Variants in EPB41L1 observed in about 807,000 individuals in gnomAD.
EPB41L1 encodes band 4.1-like protein 1.
EPB41L1 carries 29 observed loss-of-function variants against 97.8 expected under a neutral mutation model. The ratio of observed to expected loss-of-function variants is 0.30; its 90% CI spans 0.22 to 0.40. The LOEUF (loss-of-function observed/expected upper bound fraction) is 0.40. Ranked by LOEUF, EPB41L1 falls within the 10% of genes least tolerant of loss-of-function variation. The pLI, the probability that EPB41L1 is intolerant of heterozygous loss-of-function variation, is 1.00. For missense variants in EPB41L1, 812 were observed against 1,162.3 expected (o/e 0.70, Z 4.38); for synonymous variants, 383 against 459.2 (o/e 0.83, Z 2.12).
Position 36,195,355 on chromosome 20 carries a change from C to T in EPB41L1, c.1476C>T (p.His492=), listed in dbSNP as rs748523121. Residue 492 remains histidine (H), a synonymous_variant, in exon 13 of 22, where the codon CAC becomes CAT. Transcript: ENST00000338074. The surrounding 1 kb of genome is among the most constrained non-coding windows in gnomAD (Gnocchi z 4.6). Reference sequence around the variant, plus strand: ...CGGAGCAGGAAACCACGCCGAGACACAAGCAGGAGGTACTGCATGGGACCT... The same window carrying T: ...CGGAGCAGGAAACCACGCCGAGACATAAGCAGGAGGTACTGCATGGGACCT... The part of the protein sequence containing the change: ...LKPEQETTPR[H]KQEFLDKPED... 1.2e-6 allele frequency: 2 copies of T among 1,614,070 alleles called. No homozygotes were observed. The highest frequency in any genetic ancestry group is 2.2e-5 in the East Asian group (1 of 44,874).
In EPB41L1 at chr20:36,173,750, T is replaced by G; in HGVS notation, c.-14-14T>G. ...GTCCCTCCCTGTCACATGATCTCCT[T>G]CATGCCAATGCAGGCGTGCTGGTCA... On this transcript the variant is annotated splice_polypyrimidine_tract_variant and intron_variant, in intron 1 of 21. Coordinates refer to ENST00000338074, the MANE Select transcript of EPB41L1 (RefSeq NM_012156.2). 1 of 1,613,646 alleles carries G rather than the reference T, an allele frequency of 6.2e-7. No homozygotes were observed. The highest frequency in any genetic ancestry group is 8.5e-7 in the Non-Finnish European group (1 of 1,179,536).
At chr20:36,109,566 G>C (rs2058319687) in intron 1 of EPB41L1, 1 of 152,222 alleles carries the variant, frequency 6.6e-6, no homozygotes, top group Non-Finnish European at 1.5e-5. Context: ...GTGCCTCAAG[G>C]GGACATTGGC....
At chr20:36,105,719 A>G (rs2147534586) in intron 1 of EPB41L1, among the ~76,000 whole-genome samples, 1 of 152,192 alleles carries the variant, frequency 6.6e-6, no homozygotes, top group East Asian at 1.9e-4. Context: ...CCCCTTGCAA[A>G]TGCCCCTAGC....
rs774885999 is a variant in EPB41L1, at chr20:36,175,555, T to C, written c.182T>C (p.Leu61Pro). Residue 61 changes from leucine (L) to proline (P), a missense_variant, in exon 3 of 22, where the codon CTA (leucine) becomes CCA (proline). Transcript: ENST00000338074. ...TTCCCTTGCTTGGTCCTGCAGAGCCTAGACATGGAGGAGAAGGACTACAGT... is the reference window on the plus strand; with the variant it reads ...TTCCCTTGCTTGGTCCTGCAGAGCCCAGACATGGAGGAGAAGGACTACAGT... ...QQDTRPAEQS[L>P]DMEEKDYSEA... The C allele has an allele frequency of 4.3e-6, 7 of 1,614,146 alleles. No individual in the cohort carries two copies. Among genetic ancestry groups the C allele is most frequent in the Non-Finnish European group, 5.9e-6 (7 of 1,180,020 alleles).
intron 2 of EPB41L1, among the ~76,000 whole-genome samples, chr20:36,141,852 AATCCCAGCAC>A (rs1201881146): frequency 1.3e-5 from 2 of 152,348 alleles, no homozygotes; most frequent in South Asian, 2.1e-4. Flanking sequence ...TCACGCCTAT[AATCCCAGCAC>A]TTTGGGAGGC....
chr20:36,139,387 GT>G (rs2059548145), intron 2 of EPB41L1, among the ~76,000 whole-genome samples: 1 of 152,194 alleles, frequency 6.6e-6, no homozygotes, highest in Admixed American at 6.5e-5. Context: ...CAGACTTACG[GT>G]TTGCATGATA....
At chr20:36,094,718 G>T (rs2057773507) in intron 1 of EPB41L1, among the ~76,000 whole-genome samples, 1 of 152,146 alleles carries the variant, frequency 6.6e-6, no homozygotes, top group Admixed American at 6.6e-5. Context: ...AGCAGAGGCT[G>T]GGGAAAGCTG....
intron 14 of EPB41L1, among the ~76,000 whole-genome samples, chr20:36,202,767 C>T (rs1283302139): frequency 2.7e-5 from 4 of 149,728 alleles, no homozygotes; most frequent in East Asian, 2.0e-4. Flanking sequence ...GGCAAGATCA[C>T]GCCTCTGCAC....
chr20:36,219,874 C>A (rs1427365557), intron 19 of EPB41L1, 30 bp downstream of exon 19: 2 of 1,590,046 alleles, frequency 1.3e-6, no homozygotes, highest in Non-Finnish European at 8.6e-7. Flanking sequence ...CCCATGCCCC[C>A]AGCCGAGCTG....
At chr20:36,121,092 AGC>A (rs1256871169) in intron 2 of EPB41L1, among the ~76,000 whole-genome samples, 2 of 148,420 alleles carry the variant, frequency 1.3e-5, no homozygotes, top group Non-Finnish European at 3.0e-5. Context: ...AAAAAAAGAG[AGC>A]GATCTCAGAG....
intron 1 of EPB41L1, among the ~76,000 whole-genome samples, chr20:36,158,137 T>G (rs1352001724): frequency 1.3e-5 from 2 of 152,098 alleles, no homozygotes; most frequent in African/African-American, 4.8e-5. Flanking sequence ...ATAGCTAGGC[T>G]GTGGGGGAGT....
At chr20:36,116,703 A>G (rs1957521112) in intron 2 of EPB41L1, among the ~76,000 whole-genome samples, 1 of 152,216 alleles carries the variant, frequency 6.6e-6, no homozygotes, top group African/African-American at 2.4e-5. Context: ...AGGCTGAAGC[A>G]TATGCCTCTC....
chr20:36,157,364 C>A (rs1302610713), intron 1 of EPB41L1, among the ~76,000 whole-genome samples: 2 of 152,208 alleles, frequency 1.3e-5, no homozygotes, highest in East Asian at 1.9e-4. Context: ...TTCACAGTAA[C>A]CCTGTCAGAT....
rs780293515 is a variant in EPB41L1 at position 36,213,323 on chromosome 20, A to C, written c.2184+947A>C. ...TGATGTAGGAGGATCACTAAAACCCAGGAGGTCGAAGCTGCAGTGAACTAT... is the reference window on the plus strand; with the variant it reads ...TGATGTAGGAGGATCACTAAAACCCCGGAGGTCGAAGCTGCAGTGAACTAT... On this transcript the variant is annotated intron_variant, in intron 16 of 21. Coordinates refer to ENST00000338074, the MANE Select transcript of EPB41L1 (RefSeq NM_012156.2). 1.5e-3 allele frequency among the ~76,000 whole-genome samples: 230 copies of C among 152,320 alleles called. 2 individuals are homozygous for C. Among genetic ancestry groups the C allele is most frequent in the Non-Finnish European group, 2.2e-4 (15 of 68,024 alleles).
chr20:36,126,877 G>A (rs1020583589), intron 2 of EPB41L1, among the ~76,000 whole-genome samples: 2 of 152,236 alleles, frequency 1.3e-5, no homozygotes, highest in Non-Finnish European at 1.5e-5. Flanking sequence ...CATGAAAGTT[G>A]CTCATGATTG....
chr20:36,151,290 A>G (rs1007145964), upstream of EPB41L1: 12 of 152,250 alleles, frequency 7.9e-5, no homozygotes, highest in African/African-American at 2.4e-4. Context: ...CAGAGCAGAG[A>G]GGGAATGAAG....
intron 1 of EPB41L1, among the ~76,000 whole-genome samples, chr20:36,104,878 C>T (rs149856146): frequency 3.7e-4 from 57 of 152,176 alleles, no homozygotes; most frequent in Admixed American, 3.3e-3. Flanking sequence ...ATGGGCTGTG[C>T]GCACTCTGGA....
At chr20:36,154,601 G>C (rs1253122350), upstream of EPB41L1, 5 of 808,004 alleles carry the variant, frequency 6.2e-6, no homozygotes, top group East Asian at 2.6e-4. The surrounding 1 kb of genome is among the most constrained non-coding windows in gnomAD (Gnocchi z 5.5). Context: ...AGGCGCAAGC[G>C]GCGGCCGCCC....
intron 2 of EPB41L1, chr20:36,121,759 C>T (rs2058758893): frequency 6.6e-6 from 1 of 152,226 alleles, no homozygotes; most frequent in Admixed American, 6.5e-5. Flanking sequence ...GAACAGGTTC[C>T]AGCAAGGCAG....
Sources: allele counts gnomAD v4.1 joint callset (sites outside exome capture counted in the v4.1 genomes callset), GRCh38; gene constraint gnomAD v4.1.1; non-coding constraint Gnocchi (gnomAD v3.1); transcripts MANE v1.5; gene names NCBI Gene and HGNC (gene_info 2026-07-23, HGNC 2026-07-21).